The following PDZD7 variants were observed in gnomAD, a reference collection of about 807,000 sequenced individuals.
PDZD7 encodes the protein PDZ domain-containing protein 7.
A neutral mutation model predicts 84.7 loss-of-function variants in PDZD7; 72 were observed. The observed-to-expected ratio is 0.85, with a 90% CI of 0.70 to 1.03. The LOEUF is 1.03. Ranked by LOEUF, PDZD7 falls within the 50% of genes least tolerant of loss-of-function variation. The pLI is 0.00. For missense variants in PDZD7, 1,490 were observed against 1,412.9 expected (o/e 1.05, Z -0.87); for synonymous variants, 594 against 580.7 (o/e 1.02, Z -0.33).
chr10:101,030,222 C>A lies in PDZD7; in HGVS notation c.-3G>T. ...CCCACTGCGAAACCCTGCGCCATGGCGGCTGGGCTAGGGCGGCACCCTACA... is the reference window on the plus strand; with the variant it reads ...CCCACTGCGAAACCCTGCGCCATGGAGGCTGGGCTAGGGCGGCACCCTACA... On this transcript the variant is annotated 5_prime_UTR_variant, in exon 2 of 17. Transcript: ENST00000619208. 1 of 1,600,602 alleles carries A rather than the reference C, an allele frequency of 6.2e-7. No individual in the cohort carries two copies. Among genetic ancestry groups the A allele is most frequent in the South Asian group, 1.1e-5 (1 of 89,796 alleles).
At position 101,010,292 on chromosome 10, in the gene PDZD7, G is replaced by A. The variant is rs868726771; in HGVS notation, c.2597C>T (p.Ser866Phe). 34 of 1,531,976 alleles carry A rather than the reference G, an allele frequency of 2.2e-5. No individual in the cohort carries two copies. The highest frequency in any genetic ancestry group is 2.9e-5 in the Non-Finnish European group (33 of 1,143,492). The allele number at this position is 1,531,976 out of a possible 1,614,324, so 94.9% of individuals were successfully genotyped here. The part of the protein sequence containing the change: ...PSGELKTVTL[S>F]KMKQSLGISI... ...CTCACCTAAGGACTGCTTCATCTTGGACAGTGTCACTGTCTTCAGCTCGCC... is the reference window on the plus strand; with the variant it reads ...CTCACCTAAGGACTGCTTCATCTTGAACAGTGTCACTGTCTTCAGCTCGCC... The change falls in exon 15 of 17, where the codon TCC becomes TTC. Residue 866 changes from serine (S) to phenylalanine (F), a missense_variant. Physicochemically the swap from Ser to Phe is radical, Grantham distance 155. Transcript: ENST00000619208.
At position 101,011,551 on chromosome 10, in the gene PDZD7, A is replaced by G. The variant is rs1262407875; in HGVS notation, c.2005+139T>C. The G allele has an allele frequency of 3.4e-6, 5 of 1,450,498 alleles. No individual in the cohort carries two copies. In the African/African-American group the frequency reaches 7.1e-5, roughly 21 times the overall value. 89.9% of individuals were successfully genotyped at this position (1,450,498 alleles called of 1,614,324 possible). A position where few individuals can be genotyped will look rare whatever the true frequency, so the allele number is the denominator to read the frequency against. On this transcript the variant is annotated intron_variant, in intron 14 of 16. Coordinates refer to ENST00000619208, the MANE Select transcript of PDZD7 (RefSeq NM_001195263.2). ...ATGTGATAAAATGGCTCTGGTGGAC[A>G]AGAGCTTTCCTTCAGGGAACCACAA...
In PDZD7 at chr10:101,021,833, G is replaced by C; in HGVS notation, c.832C>G (p.Leu278Val). Residue 278 changes from leucine (L) to valine (V), a missense_variant, in exon 6 of 17, where the codon CTG becomes GTG. Transcript: ENST00000619208. The part of the protein sequence containing the change: ...DISHSQAVEV[L>V]KGQTHIMLTI... ...AGCATGATGTGCGTTTGGCCCTTCA[G>C]CACCTCCACGGCCTGGCTGTGGCTG... 1 of 1,614,116 alleles carries C rather than the reference G, an allele frequency of 6.2e-7. No homozygotes were observed. The highest frequency in any genetic ancestry group is 8.5e-7 in the Non-Finnish European group (1 of 1,180,020).
In PDZD7 at chr10:101,021,872, T is replaced by C. The variant is rs762663126; in HGVS notation, c.793A>G (p.Arg265Gly). ...GDQVLAANGV[R>G]FDDISHSQAV... Reference sequence around the variant, plus strand: ...TGGCTGTGGCTGATGTCGTCAAACCTGACACCGTTGGCTGCCAGGACCTGG... The same window carrying C: ...TGGCTGTGGCTGATGTCGTCAAACCCGACACCGTTGGCTGCCAGGACCTGG... Residue 265 changes from arginine (R) to glycine (G), a missense_variant, in exon 6 of 17, where the codon AGG (arginine) becomes GGG (glycine). By Grantham distance (125) the Arg-to-Gly change is moderately radical. Transcript: ENST00000619208. The C allele has an allele frequency of 1.2e-6, 2 of 1,614,186 alleles. No individual in the cohort carries two copies. Among genetic ancestry groups the C allele is most frequent in the Non-Finnish European group, 1.7e-6 (2 of 1,180,030 alleles).
chr10:101,013,952 C>G (rs559875917), intron 11 of PDZD7, among the ~76,000 whole-genome samples: 1 of 150,524 alleles, frequency 6.6e-6, no homozygotes, highest in Non-Finnish European at 1.5e-5. Flanking sequence ...AGGGTTCAAG[C>G]GATTCTCCTG....
At chr10:101,025,779 C>T (rs531059996) in intron 2 of PDZD7, among the ~76,000 whole-genome samples, 1 of 150,664 alleles carries the variant, frequency 6.6e-6, no homozygotes, top group African/African-American at 2.5e-5. Context: ...GATCTCCTGA[C>T]CTCGTGATCT....
chr10:101,010,781 CT>C lies in PDZD7; in HGVS notation c.2107del (p.Ser703ValfsTer20), dbSNP rs397516633. 689 of 1,535,548 alleles carry C rather than the reference CT, an allele frequency of 4.5e-4. 2 individuals are homozygous for C. Among genetic ancestry groups the C allele is most frequent in the Admixed American group, 6.3e-4 (32 of 50,994 alleles). The stretch of plus-strand genomic sequence containing the variant: ...ATGGGGGTGGCGAGGGGCAGAGGCA[CT>C]TGGGGAGACCTTGAGGGCCCCCAGC... ...ERLGALKVSP[S>X]ASAPRHPHKG... is the part of the protein sequence containing the mutation. On this transcript the variant is annotated frameshift_variant, in exon 15 of 17. Coordinates refer to ENST00000619208, the MANE Select transcript of PDZD7 (RefSeq NM_001195263.2). LOFTEE classifies it high-confidence loss of function.
chr10:101,017,293 T>C, intron 9 of PDZD7: 1 of 270,354 alleles, frequency 3.7e-6, no homozygotes. Flanking sequence ...AGTCAACTCA[T>C]GGGAGAGATG....
intron 4 of PDZD7, among the ~76,000 whole-genome samples, chr10:101,022,842 G>A (rs113578312): frequency 0.01 from 1,539 of 151,972 alleles, 26 homozygotes; most frequent in South Asian, 0.073. Flanking sequence ...GTATGATCTC[G>A]GCTCACTGCA....
intron 9 of PDZD7, chr10:101,017,740 G>A (rs1424730932): frequency 3.3e-6 from 2 of 613,152 alleles, no homozygotes; most frequent in African/African-American, 3.7e-5. Flanking sequence ...GAGCTGAGAT[G>A]GTGCCATTAC....
intron 2 of PDZD7, among the ~76,000 whole-genome samples, chr10:101,027,257 C>T (rs1937774841): frequency 6.7e-6 from 1 of 149,928 alleles, no homozygotes. Flanking sequence ...CTCCGCCCTC[C>T]CCTCCACCCT....
rs59545181 is a variant in PDZD7 at position 101,025,522 on chromosome 10, T to TTTTATTTATTTATTTA, written c.227-1470_227-1455dup. The stretch of plus-strand genomic sequence containing the variant: ...CACCCCAGCCTTGAAATGGAAGGGA[T>TTTTATTTATTTATTTA]TTTATTTATTTATTTATTTATTTAT... On this transcript the variant is annotated intron_variant, in intron 2 of 16. Transcript: ENST00000619208. Among the ~76,000 whole-genome samples, 65 of 138,042 alleles carry TTTTATTTATTTATTTA rather than the reference T, an allele frequency of 4.7e-4. 1 individual carries two copies. The highest frequency in any genetic ancestry group is 1.4e-3 in the African/African-American group (51 of 36,132). 90.6% of individuals were successfully genotyped at this position (138,042 alleles called of 152,430 possible).
chr10:101,013,849 T>C (rs1466388862), intron 11 of PDZD7, among the ~76,000 whole-genome samples: 1 of 137,810 alleles, frequency 7.3e-6, no homozygotes, highest in Non-Finnish European at 1.6e-5. Context: ...TTTCTTTTCT[T>C]TCTTTTTTTT....
intron 7 of PDZD7, among the ~76,000 whole-genome samples, chr10:101,019,511 C>T (rs954372197): frequency 1.4e-5 from 2 of 146,212 alleles, no homozygotes; most frequent in Non-Finnish European, 3.0e-5. Flanking sequence ...GGTTCCTGTG[C>T]TTTTCTGCTT....
In PDZD7 at chr10:101,017,875, GAAAGAAAGAAAGAAAGA is replaced by G. The variant is rs879632019; in HGVS notation, c.1522+207_1522+223del. ...AGAAAGAAAGAAAGAAAGAAAGAAA[GAAAGAAAGAAAGAAAGA>G]AAAGAAAGAAAGAAAGAAAGAAAAG... On this transcript the variant is annotated intron_variant, in intron 9 of 16. Transcript: ENST00000619208. The G allele has an allele frequency of 0.22, 90,158 of 411,506 alleles. 12,727 individuals are homozygous for G. Among genetic ancestry groups the G allele is most frequent in the Middle Eastern group, 0.28 (436 of 1,532 alleles). The allele number at this position is 411,506 out of a possible 1,614,324, so 25.5% of individuals were successfully genotyped here.
At position 101,008,814 on chromosome 10, in the gene PDZD7, G is replaced by T. The variant is rs1329908904; in HGVS notation, c.2755C>A (p.Leu919Ile). 1.3e-6 allele frequency: 2 copies of T among 1,520,528 alleles called. No individual in the cohort carries two copies. Among genetic ancestry groups the T allele is most frequent in the Admixed American group, 4.0e-5 (2 of 50,224 alleles). 94.2% of individuals were successfully genotyped at this position (1,520,528 alleles called of 1,614,324 possible). A position where few individuals can be genotyped will look rare whatever the true frequency, so the allele number is the denominator to read the frequency against. The change falls in exon 17 of 17, where the codon CTA becomes ATA. Residue 919 changes from leucine to isoleucine, a missense_variant. Leu to Ile is a conservative substitution (Grantham distance 5). Transcript: ENST00000619208. ...GCACGCTGGTGGGTCACCTGCTCTA[G>T]ATTCTCTCCGTCCACTGCCACAAGC... ...FELVAVDGENLEQVTHQRAVD... is the reference protein window; with the variant it reads ...FELVAVDGENIEQVTHQRAVD...
Position 101,018,115 on chromosome 10 carries a change from G to T in PDZD7, c.1506C>A (p.Arg502=), listed in dbSNP as rs1190705087. 2 of 1,614,150 alleles carry T rather than the reference G, an allele frequency of 1.2e-6. No homozygotes were observed. The highest frequency in any genetic ancestry group is 3.3e-5 in the Admixed American group (2 of 60,008). Residue 502 remains arginine, a synonymous_variant, in exon 9 of 17, where the codon CGC becomes CGA. Transcript: ENST00000619208. Reference sequence around the variant, plus strand: ...ACTACTTACCTTTCTCTATGTCCAGGCGAGGGTAAGTTTTGGCCAGGCTCC... The same window carrying T: ...ACTACTTACCTTTCTCTATGTCCAGTCGAGGGTAAGTTTTGGCCAGGCTCC... The part of the protein sequence containing the change: ...DSGSLAKTYP[R]LDIEKAGGVG...
chr10:101,028,711 T>G (rs1229457670), intron 2 of PDZD7, among the ~76,000 whole-genome samples: 2 of 152,064 alleles, frequency 1.3e-5, no homozygotes, highest in Non-Finnish European at 2.9e-5. Context: ...ATAGCATAGT[T>G]CTTTTAATAG....
intron 12 of PDZD7, 32 bp from the exon 13 acceptor site, chr10:101,012,048 A>G: frequency 6.5e-7 from 1 of 1,543,244 alleles, no homozygotes; most frequent in Non-Finnish European, 8.8e-7. Context: ...CAGGGGTGGG[A>G]GGGGCAGGCA....
Sources: gnomAD v4.1 joint callset for allele counts (sites outside exome capture counted in the v4.1 genomes callset) on GRCh38, gnomAD v4.1.1 for gene constraint, MANE v1.5 for transcripts, NCBI Gene and HGNC (gene_info 2026-07-23, HGNC 2026-07-21) for gene names.